The following CPNE7 variants were observed in gnomAD, a reference collection of about 807,000 sequenced individuals.
CPNE7 encodes copine-7.
A neutral mutation model predicts 66.5 loss-of-function variants in CPNE7; 78 were observed. The observed-to-expected ratio is 1.17, with a 90% CI of 0.98 to 1.42. The LOEUF is 1.42. CPNE7 is among the 40% of genes most tolerant of loss of function. The probability of loss-of-function intolerance (pLI) is 0.00; values close to 1 mark genes in which losing one functional copy is unlikely to be tolerated. For missense variants in CPNE7, 1,012 were observed against 776.6 expected, an observed-to-expected ratio of 1.30 and a Z score of -3.60; for synonymous variants, 468 against 336.7, an observed-to-expected ratio of 1.39 and a Z score of -4.27.
chr16:89,589,980 G>A (rs1315594492), intron 11 of CPNE7, 29 bp downstream of exon 11: 3 of 1,612,504 alleles, frequency 1.9e-6, no homozygotes, highest in Non-Finnish European at 1.7e-6. Context: ...TGAGACCTCA[G>A]AGCTGTGCCC....
At chr16:89,583,638 C>G (rs12932758) in intron 2 of CPNE7, 59 bp from the exon 3 acceptor site, 49 of 1,609,892 alleles carry the variant, frequency 3.0e-5, no homozygotes, top group Non-Finnish European at 4.0e-5. Flanking sequence ...GCGGTGGGGT[C>G]TCCAGGGTCA....
intron 9 of CPNE7, chr16:89,587,554 A>T (rs1345057921): frequency 2.2e-6 from 1 of 450,518 alleles, no homozygotes; most frequent in South Asian, 1.6e-5. Flanking sequence ...ATTTAACAAC[A>T]GACAAAACGT....
At position 89,595,408 on chromosome 16, in the gene CPNE7, C is replaced by T. The variant is rs555104096; in HGVS notation, c.1344C>T (p.Thr448=). The stretch of plus-strand genomic sequence containing the variant: ...TGATCCTGACGGACGGCGTGGTGAC[C>T]GACATGGCCGACACACGGGAGGCCA... ...ILLILTDGVV[T]DMADTREAIV... Residue 448 remains threonine, a synonymous_variant, in exon 14 of 15, where the codon ACC becomes ACT. Transcript: ENST00000319518. 1.5e-5 allele frequency: 24 copies of T among 1,597,854 alleles called. No homozygotes were observed. Among genetic ancestry groups the T allele is most frequent in the East Asian group, 4.5e-5 (2 of 44,520 alleles).
At chr16:89,595,630 A>G (rs200446658) in intron 14 of CPNE7, 27 bp downstream of exon 14, 1 of 1,576,598 alleles carries the variant, frequency 6.3e-7, no homozygotes, top group East Asian at 2.3e-5. Context: ...GGCTCCGTCA[A>G]GGCCGGCTTG....
rs765359963 is a variant in CPNE7, at chr16:89,591,189, A to C, written c.1231A>C (p.Thr411Pro). 6.2e-7 allele frequency: 1 copy of C among 1,600,322 alleles called. No homozygotes were observed. Among genetic ancestry groups the C allele is most frequent in the Non-Finnish European group, 8.5e-7 (1 of 1,173,698 alleles). The change falls in exon 13 of 15, where the codon ACC becomes CCC. Residue 411 changes from threonine to proline, a missense_variant. Coordinates refer to ENST00000319518, the MANE Select transcript of CPNE7 (RefSeq NM_153636.3). The part of the protein sequence containing the change: ...CLPRVQLYGP[T>P]NVAPIISKVA... The stretch of plus-strand genomic sequence containing the variant: ...GCCCAGGGTCCAGCTCTACGGCCCC[A>C]CCAACGTGGCGCCCATCATCTCCAA...
At position 89,585,542 on chromosome 16, in the gene CPNE7, A is replaced by G; in HGVS notation, c.670A>G (p.Arg224Gly). 2.5e-6 allele frequency: 4 copies of G among 1,609,992 alleles called. No individual in the cohort carries two copies. The highest frequency in any genetic ancestry group is 3.4e-6 in the Non-Finnish European group (4 of 1,178,412). ...LSSLCSCEETRPLKCLVWDYD... is the reference protein window; with the variant it reads ...LSSLCSCEETGPLKCLVWDYD... ...TTCCCTCTGCAGCTGCGAGGAGACA[A>G]GGCCTCTAAAGGTGGGGGACGGGAT... Residue 224 changes from arginine (R) to glycine (G), a missense_variant, in exon 6 of 15, where the codon AGG (arginine) becomes GGG (glycine). Coordinates refer to ENST00000319518, the MANE Select transcript of CPNE7 (RefSeq NM_153636.3).
intron 14 of CPNE7, chr16:89,596,057 T>G: frequency 2.2e-6 from 1 of 449,096 alleles, no homozygotes; most frequent in East Asian, 5.5e-5. Context: ...AAGACGTGCA[T>G]GCCACATAGA....
intron 9 of CPNE7, 57 bp from the exon 10 acceptor site, chr16:89,588,618 G>A (rs528103540): frequency 1.9e-6 from 3 of 1,606,046 alleles, no homozygotes; most frequent in South Asian, 1.1e-5. Flanking sequence ...CTACCTGTCA[G>A]GAGCGGGTTC....
chr16:89,594,370 G>A (rs970042596), intron 13 of CPNE7, among the ~76,000 whole-genome samples: 9 of 152,126 alleles, frequency 5.9e-5, no homozygotes, highest in Non-Finnish European at 1.2e-4. Flanking sequence ...TCAGAGAGGG[G>A]GAGATGGGGA....
chr16:89,581,334 GTCACACGGAACATCCCGTCACCCA>G (rs1238919092), intron 2 of CPNE7, among the ~76,000 whole-genome samples: 16 of 149,540 alleles, frequency 1.1e-4, no homozygotes, highest in East Asian at 7.9e-4. Flanking sequence ...CCCATCACCC[GTCACACGGAACATCCCGTCACCCA>G]TCACACGGAA....
chr16:89,595,888 A>G (rs969948492), intron 14 of CPNE7: 2 of 593,642 alleles, frequency 3.4e-6, no homozygotes, highest in Admixed American at 4.3e-5. Context: ...CGTTGCTGCC[A>G]ACCTCTGCGA....
chr16:89,581,214 T>G (rs562503948), intron 2 of CPNE7, among the ~76,000 whole-genome samples: 1 of 143,994 alleles, frequency 6.9e-6, no homozygotes, highest in South Asian at 2.2e-4. Context: ...TGATCACCCA[T>G]CACATGGAAC....
In CPNE7 at chr16:89,596,790, G is replaced by T. The variant is rs2059263958; in HGVS notation, c.*169G>T. ...TCCTGCTGGCTTGGGCCCGGCTCTG[G>T]GGCCCCCAAGGCCGAAGGGTGACAA... is the stretch of plus-strand genomic sequence containing the variant. On this transcript the variant is annotated 3_prime_UTR_variant, in exon 15 of 15. Transcript: ENST00000319518. 1 of 881,984 alleles carries T rather than the reference G, an allele frequency of 1.1e-6. No individual in the cohort carries two copies. Among genetic ancestry groups the T allele is most frequent in the Non-Finnish European group, 1.6e-6 (1 of 634,038 alleles). 54.6% of individuals were successfully genotyped at this position (881,984 alleles called of 1,614,324 possible). A position where few individuals can be genotyped will look rare whatever the true frequency, so the allele number is the denominator to read the frequency against.
At chr16:89,579,585 G>A (rs911866330) in intron 2 of CPNE7, among the ~76,000 whole-genome samples, 11 of 144,976 alleles carry the variant, frequency 7.6e-5, no homozygotes, top group African/African-American at 2.6e-4. Context: ...CATCTCACCC[G>A]TCACACAGAA....
chr16:89,583,663 C>T (rs1443918900), intron 2 of CPNE7, 34 bp from the exon 3 acceptor site: 1 of 1,612,158 alleles, frequency 6.2e-7, no homozygotes, highest in Non-Finnish European at 8.5e-7. Flanking sequence ...CCGTCCCCGC[C>T]TGCCCCTCCC....
At chr16:89,589,746 C>T (rs546481638) in intron 10 of CPNE7, 151 bp from the exon 11 acceptor site, 7 of 773,214 alleles carry the variant, frequency 9.1e-6, no homozygotes, top group South Asian at 3.5e-5. Flanking sequence ...CCCTGAGCCT[C>T]GGTTCCCCAC....
intron 2 of CPNE7, among the ~76,000 whole-genome samples, chr16:89,579,537 C>G (rs1597692867): frequency 6.7e-6 from 1 of 149,918 alleles, no homozygotes. Flanking sequence ...TCACTTGTCA[C>G]ATCTCACCCA....
At chr16:89,587,606 A>G (rs1361922362) in intron 9 of CPNE7, 8 of 453,506 alleles carry the variant, frequency 1.8e-5, no homozygotes, top group Admixed American at 4.7e-5. Context: ...TGAACCAGCC[A>G]CAGTCTCTAC....
In CPNE7 at chr16:89,584,901, C is replaced by T. The variant is rs767655218; in HGVS notation, c.591+44C>T. 5.2e-6 allele frequency: 8 copies of T among 1,531,076 alleles called. No homozygotes were observed. Among genetic ancestry groups the T allele is most frequent in the Non-Finnish European group, 7.2e-6 (8 of 1,108,342 alleles). The allele number at this position is 1,531,076 out of a possible 1,614,324, so 94.8% of individuals were successfully genotyped here. On this transcript the variant is annotated intron_variant, in intron 5 of 14. Transcript: ENST00000319518. This position sits in a 1 kb window ranked among gnomAD's most constrained non-coding sequence, Gnocchi z 6.0. ...GAACACAGGGAGGGGAAGGGGCTGT[C>T]CCCAGCCCTCACGCATCTCTGGCCA... is the stretch of plus-strand genomic sequence containing the variant.
Sources: allele counts gnomAD v4.1 joint callset (sites outside exome capture counted in the v4.1 genomes callset), GRCh38; gene constraint gnomAD v4.1.1; non-coding constraint Gnocchi (gnomAD v3.1); transcripts MANE v1.5; gene names NCBI Gene and HGNC (gene_info 2026-07-23, HGNC 2026-07-21).